The following MFGE8 variants were observed in gnomAD, a reference collection of about 807,000 sequenced individuals.
MFGE8 encodes lactadherin.
A neutral mutation model predicts 42.6 loss-of-function variants in MFGE8; 34 were observed. The ratio of observed to expected loss-of-function variants is 0.80; its 90% confidence interval spans 0.61 to 1.06. The LOEUF (loss-of-function observed/expected upper bound fraction) is 1.06, where lower values mean the gene tolerates loss of function less well. Ranked by LOEUF, MFGE8 falls within the 50% of genes least tolerant of loss-of-function variation. The pLI, the probability that MFGE8 is intolerant of heterozygous loss-of-function variation, is 0.00. For synonymous variants in MFGE8, 230 were observed against 214.8 expected (o/e 1.07, Z -0.62); for missense variants, 510 against 516.9 (o/e 0.99, Z 0.13).
At chr15:88,907,408 A>G (rs1337286139) in intron 2 of MFGE8, 32 bp from the exon 3 acceptor site, 3 of 1,608,468 alleles carry the variant, frequency 1.9e-6, no homozygotes, top group Admixed American at 1.7e-5. Context: ...TCAGGTGGCT[A>G]CCCCAGCAGG....
chr15:88,899,668 A>C lies in MFGE8; in HGVS notation c.1014T>G (p.Thr338=), dbSNP rs1480459851. The C allele has an allele frequency of 1.2e-6, 2 of 1,614,148 alleles. No homozygotes were observed. Among genetic ancestry groups the C allele is most frequent in the East Asian group, 4.5e-5 (2 of 44,870 alleles). ...GACAGACACCCACCTTACTGCTGCC[A>C]GTCCTGGGGTCCTGGTACTCAGTCC... is the stretch of plus-strand genomic sequence containing the variant. ...ANWTEYQDPR[T]GSSKIFPGNW... is the part of the protein sequence containing the mutation. The change falls in exon 7 of 8, where the codon ACT becomes ACG. Residue 338 remains threonine (T), a synonymous_variant. Transcript: ENST00000268150. This position sits in a 1 kb window ranked among gnomAD's most constrained non-coding sequence, Gnocchi z 6.8.
At chr15:88,908,311 G>C (rs1898795669) in intron 2 of MFGE8, among the ~76,000 whole-genome samples, 1 of 152,170 alleles carries the variant, frequency 6.6e-6, no homozygotes, top group Non-Finnish European at 1.5e-5. Context: ...TGGCAGGGAG[G>C]GGAACGCGCA....
chr15:88,909,434 T>A (rs938893471), intron 2 of MFGE8, among the ~76,000 whole-genome samples: 1 of 152,150 alleles, frequency 6.6e-6, no homozygotes, highest in Admixed American at 6.5e-5. Flanking sequence ...GGTAGAAAAA[T>A]CCTTGCAACT....
Position 88,899,517 on chromosome 15 carries a change from A to C in MFGE8, c.1042T>G (p.Trp348Gly), listed in dbSNP as rs1209841639. The change falls in exon 8 of 8, where the codon TGG becomes GGG. Residue 348 changes from tryptophan (W) to glycine (G), a missense_variant. Transcript: ENST00000268150. The surrounding 1 kb of genome is among the most constrained non-coding windows in gnomAD (Gnocchi z 6.8). Reference sequence around the variant, plus strand: ...TTCTTCTTGTGGGAGTGGTTGTCCCAGTTGCCAGGGAAGATCTAGAGGCAG... The same window carrying C: ...TTCTTCTTGTGGGAGTGGTTGTCCCCGTTGCCAGGGAAGATCTAGAGGCAG... ...TGSSKIFPGN[W>G]DNHSHKKNLF... 1 of 1,614,178 alleles carries C rather than the reference A, an allele frequency of 6.2e-7. No individual in the cohort carries two copies. Among genetic ancestry groups the C allele is most frequent in the Non-Finnish European group, 8.5e-7 (1 of 1,180,024 alleles).
Position 88,905,626 on chromosome 15 carries a change from G to A in MFGE8, c.685+131C>T, listed in dbSNP as rs141304669. ...GGTGACCCCCTAGAGTGCGTTGCCC[G>A]AGTGAAGCCTGGTCCCCGTGCCTTG... On this transcript the variant is annotated intron_variant, in intron 5 of 7. Coordinates refer to ENST00000268150, the MANE Select transcript of MFGE8 (RefSeq NM_005928.4). The surrounding 1 kb of genome is among the most constrained non-coding windows in gnomAD (Gnocchi z 6.6). 3.0e-4 allele frequency: 382 copies of A among 1,287,506 alleles called. 1 individual carries two copies. The African/African-American group carries it at 4.3e-3, about 14-fold the overall frequency. The allele number at this position is 1,287,506 out of a possible 1,614,324, so 79.8% of individuals were successfully genotyped here.
chr15:88,899,803 C>T lies in MFGE8; in HGVS notation c.879G>A (p.Leu293=). Residue 293 remains leucine, a synonymous_variant, in exon 7 of 8, where the codon CTG becomes CTA. Transcript: ENST00000268150. This position sits in a 1 kb window ranked among gnomAD's most constrained non-coding sequence, Gnocchi z 6.8. The part of the protein sequence containing the change: ...YGNDQWLQVD[L]GSSKEVTGII... ...TGCCTGTCACCTCCTTCGAGGAGCC[C>T]AGGTCCACCTACAGAAGAAACCAAC... The T allele has an allele frequency of 6.2e-7, 1 of 1,613,950 alleles. No homozygotes were observed.
intron 1 of MFGE8, 195 bp downstream of exon 1, chr15:88,913,052 C>G: frequency 1.0e-6 from 1 of 985,330 alleles, no homozygotes; most frequent in Non-Finnish European, 1.2e-6. Context: ...CCCAAAAGCC[C>G]CAGCGCAGAG....
intron 2 of MFGE8, among the ~76,000 whole-genome samples, chr15:88,909,374 T>C (rs1295070278): frequency 6.6e-6 from 1 of 152,244 alleles, no homozygotes; most frequent in Admixed American, 6.5e-5. Flanking sequence ...GCTGATTTAC[T>C]GAGTTCCTGG....
chr15:88,909,777 C>G lies in MFGE8; in HGVS notation c.205+15G>C. The G allele has an allele frequency of 6.2e-7, 1 of 1,613,788 alleles. No individual in the cohort carries two copies. The highest frequency in any genetic ancestry group is 1.1e-5 in the South Asian group (1 of 91,066). Reference sequence around the variant, plus strand: ...TACTGCTAGAAACAGGCAACAAGCACCCCCACATACTCACTCGTCTCACAG... The same window carrying G: ...TACTGCTAGAAACAGGCAACAAGCAGCCCCACATACTCACTCGTCTCACAG... On this transcript the variant is annotated intron_variant, in intron 2 of 7. Coordinates refer to ENST00000268150, the MANE Select transcript of MFGE8 (RefSeq NM_005928.4).
chr15:88,901,779 T>G, intron 5 of MFGE8, 44 bp from the exon 6 acceptor site: 1 of 1,589,748 alleles, frequency 6.3e-7, no homozygotes, highest in South Asian at 1.1e-5. Flanking sequence ...GATCCACAGC[T>G]CCCAGGGGCA....
intron 6 of MFGE8, among the ~76,000 whole-genome samples, chr15:88,901,095 T>A (rs192792927): frequency 2.7e-4 from 13 of 48,164 alleles, no homozygotes; most frequent in South Asian, 7.0e-4. Flanking sequence ...TCACACACAT[T>A]CACAAATACA....
In MFGE8 at chr15:88,901,301, ACACT is replaced by A. The variant is rs752313387; in HGVS notation, c.870+246_870+249del. On this transcript the variant is annotated intron_variant, in intron 6 of 7. Coordinates refer to ENST00000268150, the MANE Select transcript of MFGE8 (RefSeq NM_005928.4). Reference sequence around the variant, plus strand: ...CACACTCACATTCACACACATTCACACACTCACACACACACATTCACACACACAC... The same window carrying A: ...CACACTCACATTCACACACATTCACACACACACACACATTCACACACACAC... Among the ~76,000 whole-genome samples, 103 of 138,126 alleles carry A rather than the reference ACACT, an allele frequency of 7.5e-4. 7 individuals are homozygous for A. Among genetic ancestry groups the A allele is most frequent in the Non-Finnish European group, 1.3e-3 (77 of 60,596 alleles). 90.6% of individuals were successfully genotyped at this position (138,126 alleles called of 152,430 possible).
Position 88,905,771 on chromosome 15 carries a change from C to T in MFGE8, c.671G>A (p.Gly224Asp). ...CCAGCACTCACCGTTCAGCTCACAG[C>T]CCAGTAGCTCAAAGCGCAGAGTGCA... is the stretch of plus-strand genomic sequence containing the variant. ...TACTLRFELL[G>D]CELNGCANPL... The change falls in exon 5 of 8, where the codon GGC becomes GAC. Residue 224 changes from glycine (G) to aspartate (D), a missense_variant. Physicochemically the swap from Gly to Asp is moderately conservative, Grantham distance 94. Coordinates refer to ENST00000268150, the MANE Select transcript of MFGE8 (RefSeq NM_005928.4). This position sits in a 1 kb window ranked among gnomAD's most constrained non-coding sequence, Gnocchi z 6.6. 1 of 1,614,180 alleles carries T rather than the reference C, an allele frequency of 6.2e-7. No homozygotes were observed. The highest frequency in any genetic ancestry group is 1.1e-5 in the South Asian group (1 of 91,080).
At position 88,899,264 on chromosome 15, in the gene MFGE8, G is replaced by T; in HGVS notation, c.*131C>A. 1 of 1,241,220 alleles carries T rather than the reference G, an allele frequency of 8.1e-7. No individual in the cohort carries two copies. The highest frequency in any genetic ancestry group is 1.1e-6 in the Non-Finnish European group (1 of 880,790). 76.9% of individuals were successfully genotyped at this position (1,241,220 alleles called of 1,614,324 possible). On this transcript the variant is annotated 3_prime_UTR_variant, in exon 8 of 8. Coordinates refer to ENST00000268150, the MANE Select transcript of MFGE8 (RefSeq NM_005928.4). The surrounding 1 kb of genome is among the most constrained non-coding windows in gnomAD (Gnocchi z 6.8). Reference sequence around the variant, plus strand: ...GGGAAAGAGGGAGGGAGGGGTGACTGTGTGGTGGTGCTGCCTCTGAACACC... The same window carrying T: ...GGGAAAGAGGGAGGGAGGGGTGACTTTGTGGTGGTGCTGCCTCTGAACACC...
intron 2 of MFGE8, 107 bp downstream of exon 2, chr15:88,909,685 G>A: frequency 1.3e-6 from 2 of 1,548,874 alleles, no homozygotes; most frequent in African/African-American, 1.4e-5. Flanking sequence ...CTCCACTGGG[G>A]TGGGGATCAC....
intron 2 of MFGE8, among the ~76,000 whole-genome samples, chr15:88,907,743 A>G (rs891803672): frequency 1.3e-5 from 2 of 151,624 alleles, no homozygotes; most frequent in South Asian, 2.1e-4. Flanking sequence ...CCTCGTTCAT[A>G]TAGGGCATCT....
intron 1 of MFGE8, chr15:88,911,245 G>A (rs576714649): frequency 6.6e-6 from 1 of 152,544 alleles, no homozygotes; most frequent in East Asian, 1.9e-4. Flanking sequence ...CTGGATGACA[G>A]ATGTACACTA....
In MFGE8 at chr15:88,902,288, C is replaced by A; in HGVS notation, c.686-553G>T. ...CTAAATGAAGTAGAAATTAGTAAGC[C>A]CATTCTATAGATGAGAAAACTGAAA... is the stretch of plus-strand genomic sequence containing the variant. On this transcript the variant is annotated intron_variant, in intron 5 of 7. Coordinates refer to ENST00000268150, the MANE Select transcript of MFGE8 (RefSeq NM_005928.4). This position sits in a 1 kb window ranked among gnomAD's most constrained non-coding sequence, Gnocchi z 4.3. The A allele has an allele frequency of 6.2e-6, 1 of 160,498 alleles. No homozygotes were observed. The highest frequency in any genetic ancestry group is 1.4e-5 in the Non-Finnish European group (1 of 72,434). 9.9% of individuals were successfully genotyped at this position (160,498 alleles called of 1,614,324 possible). A position where few individuals can be genotyped will look rare whatever the true frequency, so the allele number is the denominator to read the frequency against.
At chr15:88,900,547 A>G (rs1898313467) in intron 6 of MFGE8, 1 of 190,020 alleles carries the variant, frequency 5.3e-6, no homozygotes, top group Non-Finnish European at 9.7e-6. Flanking sequence ...AGTGTGCTCC[A>G]TGGGGCCCTG....
Sources: allele counts gnomAD v4.1 joint callset (sites outside exome capture counted in the v4.1 genomes callset), GRCh38; gene constraint gnomAD v4.1.1; non-coding constraint Gnocchi (gnomAD v3.1); transcripts MANE v1.5; gene names NCBI Gene and HGNC (gene_info 2026-07-23, HGNC 2026-07-21).